Variants in XXYLT1 observed in about 807,000 individuals in gnomAD.
The protein encoded by XXYLT1 is xyloside xylosyltransferase 1, also known as UDP-xylose:alpha-xyloside alpha-1,3-xylosyltransferase.
XXYLT1 carries 20 observed loss-of-function variants against 28.9 expected under a neutral mutation model. That is an observed-to-expected ratio of 0.69 (90% CI 0.49 to 1.00). The LOEUF is 1.00. XXYLT1 is among the 50% of genes least tolerant of loss of function. The pLI is 0.00. For synonymous variants in XXYLT1, 257 were observed against 253.8 expected, an observed-to-expected ratio of 1.01 and a Z score of -0.12; for missense variants, 542 against 560.1, an observed-to-expected ratio of 0.97 and a Z score of 0.33.
intron 2 of XXYLT1, among the ~76,000 whole-genome samples, chr3:195,196,566 G>A (rs942752087): frequency 3.3e-5 from 5 of 152,188 alleles, no homozygotes; most frequent in South Asian, 2.1e-4. Context: ...GCAGATAGGC[G>A]GAGAAAGAGA....
chr3:195,166,733 G>A (rs1201381026), intron 2 of XXYLT1, among the ~76,000 whole-genome samples: 1 of 152,050 alleles, frequency 6.6e-6, no homozygotes, highest in Non-Finnish European at 1.5e-5. Flanking sequence ...CCAGGCTGGA[G>A]TACAATGGCA....
chr3:195,149,373 T>C (rs372533130), intron 3 of XXYLT1, among the ~76,000 whole-genome samples: 8 of 152,308 alleles, frequency 5.3e-5, no homozygotes, highest in South Asian at 4.1e-4. Context: ...ATAGTCGGCT[T>C]GAAAATGAGA....
chr3:195,185,126 G>A (rs1440230015), intron 2 of XXYLT1, among the ~76,000 whole-genome samples: 3 of 141,740 alleles, frequency 2.1e-5, no homozygotes, highest in African/African-American at 8.8e-5. Context: ...AGGAAGGAAG[G>A]AAGGAAGGAA....
chr3:195,169,765 T>C (rs1721304568), intron 2 of XXYLT1, among the ~76,000 whole-genome samples: 2 of 152,016 alleles, frequency 1.3e-5, no homozygotes, highest in African/African-American at 4.8e-5. Context: ...GGGATAAATA[T>C]TTGAAATTAT....
intron 2 of XXYLT1, among the ~76,000 whole-genome samples, chr3:195,214,338 AGGCTCTCCCTCTTCCCT>A (rs1361937632): frequency 4.6e-5 from 7 of 152,114 alleles, no homozygotes; most frequent in African/African-American, 1.7e-4. Context: ...GGGAGGGAGG[AGGCTCTCCCTCTTCCCT>A]GCATCAGCCA....
intron 3 of XXYLT1, 90 bp from the exon 4 acceptor site, chr3:195,070,201 C>T: frequency 6.9e-7 from 1 of 1,453,958 alleles, no homozygotes; most frequent in South Asian, 1.4e-5. Context: ...AGCCTGCATG[C>T]AAACACTGCC....
intron 3 of XXYLT1, 108 bp from the exon 4 acceptor site, chr3:195,070,219 G>C (rs781226730): frequency 7.1e-7 from 1 of 1,399,588 alleles, no homozygotes; most frequent in Non-Finnish European, 9.5e-7. Context: ...GCCACATTCC[G>C]GGGTGCAGAA....
chr3:195,147,712 CCT>C (rs535411060), intron 3 of XXYLT1, among the ~76,000 whole-genome samples: 3 of 152,132 alleles, frequency 2.0e-5, no homozygotes, highest in Non-Finnish European at 2.9e-5. Context: ...GAGGAAACGC[CCT>C]CTGACTACAC....
rs6798866 is a variant in XXYLT1, at chr3:195,077,370, C to T, written c.786-7259G>A. 2.0e-5 allele frequency among the ~76,000 whole-genome samples: 3 copies of T among 152,188 alleles called. No individual in the cohort carries two copies. Among genetic ancestry groups the T allele is most frequent in the Non-Finnish European group, 4.4e-5 (3 of 68,018 alleles). ...GGAAGATGCCCCCACTGGGCTGGTC[C>T]GGGACTCTGCGCTGACCCTGCCCAG... On this transcript the variant is annotated intron_variant, in intron 3 of 3. Transcript: ENST00000310380. The surrounding 1 kb of genome is among the most constrained non-coding windows in gnomAD (Gnocchi z 4.8).
In XXYLT1 at chr3:195,256,398, C is replaced by T. The variant is rs1189761138; in HGVS notation, c.504+14157G>A. 4 of 786,616 alleles carry T rather than the reference C, an allele frequency of 5.1e-6. No homozygotes were observed. The highest frequency in any genetic ancestry group is 4.6e-6 in the Non-Finnish European group (3 of 648,748). The allele number at this position is 786,616 out of a possible 1,614,324, so 48.7% of individuals were successfully genotyped here. A position where few individuals can be genotyped will look rare whatever the true frequency, so the allele number is the denominator to read the frequency against. ...GCTCTGGTCATTCCAAGTCCCTCGC[C>T]CTCATGCTCCGCGCAGGCCTGAGGT... is the stretch of plus-strand genomic sequence containing the variant. On this transcript the variant is annotated intron_variant, in intron 1 of 3. Transcript: ENST00000310380. The surrounding 1 kb of genome is among the most constrained non-coding windows in gnomAD (Gnocchi z 4.2).
chr3:195,113,310 G>T (rs1016637616), intron 3 of XXYLT1, among the ~76,000 whole-genome samples: 2 of 152,142 alleles, frequency 1.3e-5, no homozygotes, highest in African/African-American at 4.8e-5. Context: ...CACTATCTTC[G>T]ACAAGCCAGG....
intron 2 of XXYLT1, among the ~76,000 whole-genome samples, chr3:195,170,949 G>C (rs906350859): frequency 6.6e-6 from 1 of 152,138 alleles, no homozygotes; most frequent in Non-Finnish European, 1.5e-5. Context: ...GCTCATGAAT[G>C]GGAAAGTTCA....
At chr3:195,228,324 G>C (rs1246227430) in intron 1 of XXYLT1, among the ~76,000 whole-genome samples, 1 of 151,904 alleles carries the variant, frequency 6.6e-6, no homozygotes, top group African/African-American at 2.4e-5. Flanking sequence ...CAATAGGCGG[G>C]CTCCACTCCA....
chr3:195,218,589 G>A (rs1177362753), intron 2 of XXYLT1, among the ~76,000 whole-genome samples: 1 of 152,058 alleles, frequency 6.6e-6, no homozygotes, highest in African/African-American at 2.4e-5. Flanking sequence ...GGCCATCAGA[G>A]AAATGCAAAT....
At chr3:195,080,282 C>T (rs1444195998) in intron 3 of XXYLT1, among the ~76,000 whole-genome samples, 1 of 152,202 alleles carries the variant, frequency 6.6e-6, no homozygotes. Context: ...TGCCCACAGC[C>T]CTCTGGACAA....
chr3:195,260,777 A>G (rs1192973439), intron 1 of XXYLT1, among the ~76,000 whole-genome samples: 1 of 152,214 alleles, frequency 6.6e-6, no homozygotes, highest in African/African-American at 2.4e-5. Flanking sequence ...CCAGGGTATC[A>G]GCTGGACGGG....
rs1560087489 is a variant in XXYLT1, at chr3:195,088,034, T to C, written c.786-17923A>G. 3.3e-5 allele frequency among the ~76,000 whole-genome samples: 5 copies of C among 151,882 alleles called. No homozygotes were observed. The South Asian group carries it at 6.3e-4, about 19-fold the overall frequency. On this transcript the variant is annotated intron_variant, in intron 3 of 3. Transcript: ENST00000310380. Reference sequence around the variant, plus strand: ...ATCCCGCACCTGGCTCGGAGGGTCCTACCCCACGGAGTCTCGCTGATTGCC... The same window carrying C: ...ATCCCGCACCTGGCTCGGAGGGTCCCACCCCACGGAGTCTCGCTGATTGCC...
chr3:195,125,678 G>A (rs1045078233), intron 3 of XXYLT1, among the ~76,000 whole-genome samples: 2 of 152,216 alleles, frequency 1.3e-5, no homozygotes, highest in Non-Finnish European at 2.9e-5. Context: ...TCAATGAAGC[G>A]AAGAAGCCAT....
rs1223230060 is a variant in XXYLT1, at chr3:195,076,284, C to T, written c.786-6173G>A. Among the ~76,000 whole-genome samples the T allele has an allele frequency of 7.8e-6, 1 of 127,506 alleles. No homozygotes were observed. Among genetic ancestry groups the T allele is most frequent in the Non-Finnish European group, 1.5e-5 (1 of 64,774 alleles). 83.6% of individuals were successfully genotyped at this position (127,506 alleles called of 152,430 possible). ...GCTTTAATCAGGACAGTGTTACCAC[C>T]CACCCCACACCCACCCGTTCCAGAG... On this transcript the variant is annotated intron_variant, in intron 3 of 3. Coordinates refer to ENST00000310380, the MANE Select transcript of XXYLT1 (RefSeq NM_152531.5). This position sits in a 1 kb window ranked among gnomAD's most constrained non-coding sequence, Gnocchi z 5.3.
Sources: allele counts gnomAD v4.1 joint callset (sites outside exome capture counted in the v4.1 genomes callset), GRCh38; gene constraint gnomAD v4.1.1; non-coding constraint Gnocchi (gnomAD v3.1); transcripts MANE v1.5; gene names NCBI Gene and HGNC (gene_info 2026-07-23, HGNC 2026-07-21).